The following IAPP variants were observed in gnomAD, a reference collection of about 807,000 sequenced individuals.
IAPP encodes Islet amyloid polypeptide (diabetes-associated peptide; amylin).
In IAPP, 4 loss-of-function variants were observed where a neutral mutation model predicts 2.9. That is an observed-to-expected ratio of 1.39 (90% CI 0.69 to 3.19). IAPP has a LOEUF of 3.19. Among genes scored for constraint, IAPP ranks in the 30% most tolerant of loss-of-function variants. The pLI is 0.01. For missense variants in IAPP, 114 were observed against 105.3 expected, an observed-to-expected ratio of 1.08 and a Z score of -0.36; for synonymous variants, 40 against 42.1, an observed-to-expected ratio of 0.95 and a Z score of 0.19.
intron 2 of IAPP, among the ~76,000 whole-genome samples, chr12:21,376,165 A>C (rs1284529690): frequency 6.6e-6 from 1 of 152,180 alleles, no homozygotes; most frequent in Non-Finnish European, 1.5e-5. Flanking sequence ...AAATTATATT[A>C]TTGACCTTCC....
intron 1 of IAPP, among the ~76,000 whole-genome samples, chr12:21,360,488 C>T (rs187949121): frequency 4.5e-4 from 68 of 152,304 alleles, no homozygotes; most frequent in African/African-American, 1.7e-4. Flanking sequence ...GTGTGAAGGA[C>T]GCAGAAGACT....
At chr12:21,359,263 T>G (rs10841798) in intron 1 of IAPP, among the ~76,000 whole-genome samples, 14,284 of 152,184 alleles carry the variant, frequency 0.094, 1,050 homozygotes, top group East Asian at 0.4. Context: ...TAAATTAAAC[T>G]TGATAGACTC....
chr12:21,357,282 T>C (rs755949031), intron 1 of IAPP, among the ~76,000 whole-genome samples: 2 of 152,022 alleles, frequency 1.3e-5, no homozygotes, highest in Non-Finnish European at 2.9e-5. Context: ...AAAGGGGAAG[T>C]TTGGTCACAG....
intron 1 of IAPP, among the ~76,000 whole-genome samples, chr12:21,356,507 G>A (rs1938374637): frequency 6.7e-6 from 1 of 149,336 alleles, no homozygotes; most frequent in Admixed American, 6.7e-5. Flanking sequence ...GAGAGAAAAA[G>A]GAAGGAGAGA....
upstream of IAPP, among the ~76,000 whole-genome samples, chr12:21,371,234 C>T (rs757904707): frequency 2.0e-5 from 3 of 152,158 alleles, no homozygotes; most frequent in African/African-American, 4.8e-5. Context: ...CACTAGGGGG[C>T]GTGTCTTATG....
At chr12:21,358,894 G>T (rs1938588087) in intron 1 of IAPP, among the ~76,000 whole-genome samples, 1 of 152,062 alleles carries the variant, frequency 6.6e-6, no homozygotes, top group African/African-American at 2.4e-5. Context: ...ATATTAAAAT[G>T]AAAACAAATA....
chr12:21,355,620 G>A (rs955993044), intron 1 of IAPP, among the ~76,000 whole-genome samples: 1 of 152,130 alleles, frequency 6.6e-6, no homozygotes, highest in Admixed American at 6.5e-5. Flanking sequence ...AGGGAATTCT[G>A]TATAGTGGCA....
At chr12:21,374,913 A>T (rs566162698) in intron 2 of IAPP, among the ~76,000 whole-genome samples, 1 of 152,098 alleles carries the variant, frequency 6.6e-6, no homozygotes, top group African/African-American at 2.4e-5. Flanking sequence ...TTCTAGGCTC[A>T]GGTGATCCTC....
At chr12:21,362,463 C>T (rs1020076223) in intron 1 of IAPP, among the ~76,000 whole-genome samples, 1 of 152,116 alleles carries the variant, frequency 6.6e-6, no homozygotes, top group Non-Finnish European at 1.5e-5. Context: ...TTGTAAAGAC[C>T]ATTGGTACTA....
At chr12:21,360,823 GC>G (rs895527444) in intron 1 of IAPP, among the ~76,000 whole-genome samples, 5 of 152,212 alleles carry the variant, frequency 3.3e-5, no homozygotes, top group African/African-American at 1.2e-4. Context: ...CTGCAAGGCA[GC>G]AGCAAGGCTG....
chr12:21,378,458 T>A lies in IAPP; in HGVS notation c.*32T>A. 6.5e-7 allele frequency: 1 copy of A among 1,545,330 alleles called. No homozygotes were observed. The highest frequency in any genetic ancestry group is 9.0e-7 in the Non-Finnish European group (1 of 1,117,184). On this transcript the variant is annotated 3_prime_UTR_variant, in exon 3 of 3. Coordinates refer to ENST00000240652, the MANE Select transcript of IAPP (RefSeq NM_000415.3). ...ATGTAACTCTATAGTTATTGTTTTATGTTCTAGTGATTTCCTGTATAATTT... is the reference window on the plus strand; with the variant it reads ...ATGTAACTCTATAGTTATTGTTTTAAGTTCTAGTGATTTCCTGTATAATTT...
intron 1 of IAPP, chr12:21,355,037 T>C (rs191597781): frequency 6.6e-6 from 1 of 152,258 alleles, no homozygotes; most frequent in African/African-American, 2.4e-5. Context: ...AAATGGCACA[T>C]ATGTTCAAAA....
At chr12:21,360,156 G>T (rs1474106546) in intron 1 of IAPP, among the ~76,000 whole-genome samples, 1 of 152,134 alleles carries the variant, frequency 6.6e-6, no homozygotes, top group African/African-American at 2.4e-5. Flanking sequence ...AGAAGGAAAT[G>T]AGGAAGTGTA....
In IAPP at chr12:21,372,923, G is replaced by T. The variant is rs1393398966; in HGVS notation, c.-97G>T. 4.7e-6 allele frequency: 1 copy of T among 212,614 alleles called. No homozygotes were observed. The highest frequency in any genetic ancestry group is 9.4e-6 in the Non-Finnish European group (1 of 106,732). The allele number at this position is 212,614 out of a possible 1,614,324, so 13.2% of individuals were successfully genotyped here. On this transcript the variant is annotated 5_prime_UTR_variant, in exon 1 of 3. Coordinates refer to ENST00000240652, the MANE Select transcript of IAPP (RefSeq NM_000415.3). Reference sequence around the variant, plus strand: ...AAATGAGGGGGTAAATATTCCAGTGGATACAAGCTTGGACTCTTTTCTTGA... The same window carrying T: ...AAATGAGGGGGTAAATATTCCAGTGTATACAAGCTTGGACTCTTTTCTTGA...
intron 1 of IAPP, among the ~76,000 whole-genome samples, chr12:21,362,786 T>A (rs1939027824): frequency 6.6e-6 from 1 of 152,064 alleles, no homozygotes; most frequent in Non-Finnish European, 1.5e-5. Context: ...CCAATAAAGA[T>A]CAAAAGAGAC....
intron 1 of IAPP, among the ~76,000 whole-genome samples, chr12:21,365,066 C>G (rs1271879111): frequency 2.0e-5 from 3 of 152,030 alleles, no homozygotes; most frequent in Non-Finnish European, 4.4e-5. Context: ...CATATGGAAC[C>G]AAAAAAGAGC....
intron 1 of IAPP, among the ~76,000 whole-genome samples, chr12:21,359,267 T>C (rs1938621846): frequency 6.6e-6 from 1 of 152,162 alleles, no homozygotes; most frequent in Non-Finnish European, 1.5e-5. Context: ...TTAAACTTGA[T>C]AGACTCTAGG....
In IAPP at chr12:21,373,360, C is replaced by T. The variant is rs145555931; in HGVS notation, c.9C>T (p.Ile3=). 9.1e-5 allele frequency: 147 copies of T among 1,612,148 alleles called. 1 individual carries two copies. In the African/African-American group the frequency reaches 1.0e-3, roughly 11 times the overall value. MG[I]LKLQVFLIVL... is the part of the protein sequence containing the mutation. ...AGAAAATTTGAGAAGCAATGGGCAT[C>T]CTGAAGCTGCAAGTATTTCTCATTG... The change falls in exon 2 of 3, where the codon ATC becomes ATT. Residue 3 remains isoleucine, a synonymous_variant. Coordinates refer to ENST00000240652, the MANE Select transcript of IAPP (RefSeq NM_000415.3).
intron 1 of IAPP, among the ~76,000 whole-genome samples, chr12:21,367,564 T>A (rs948916512): frequency 1.3e-5 from 2 of 151,960 alleles, no homozygotes; most frequent in African/African-American, 4.8e-5. Context: ...CTGAGACAAT[T>A]TGCAAGCCTA....
Sources: allele counts gnomAD v4.1 joint callset (sites outside exome capture counted in the v4.1 genomes callset), GRCh38; gene constraint gnomAD v4.1.1; transcripts MANE v1.5; gene names NCBI Gene and HGNC (gene_info 2026-07-23, HGNC 2026-07-21).